Variants in ZNF135 observed in about 807,000 individuals in gnomAD.
The protein encoded by ZNF135 is zinc finger protein 135 (clone pHZ-17).
A neutral mutation model predicts 12.3 loss-of-function variants in ZNF135; 11 were observed. That is an observed-to-expected ratio of 0.89 (90% CI 0.56 to 1.48). The LOEUF is 1.48. ZNF135 is among the 40% of genes most tolerant of loss of function. ZNF135 has a pLI of 0.00. For synonymous variants in ZNF135, 316 were observed against 312.0 expected (o/e 1.01, Z -0.14); for missense variants, 722 against 815.7 (o/e 0.89, Z 1.40).
intron 4 of ZNF135, 140 bp from the exon 5 acceptor site, chr19:58,066,586 CTGGTTTGCAAAACTA>C (rs1167927815): frequency 3.1e-6 from 3 of 960,812 alleles, no homozygotes; most frequent in Admixed American, 3.0e-5. Flanking sequence ...TCTTCCTTTC[CTGGTTTGCAAAACTA>C]TATTTTTAAA....
Position 58,068,703 on chromosome 19 carries a change from G to A in ZNF135, c.*242G>A, listed in dbSNP as rs2074121359. 1 of 507,130 alleles carries A rather than the reference G, an allele frequency of 2.0e-6. No homozygotes were observed. The highest frequency in any genetic ancestry group is 1.9e-5 in the African/African-American group (1 of 52,538). 31.4% of individuals were successfully genotyped at this position (507,130 alleles called of 1,614,324 possible). ...GAAACGTGGAGATAATCAACACTCA[G>A]GACCTTCAGCCTTGAACGCCCATTA... On this transcript the variant is annotated 3_prime_UTR_variant, in exon 5 of 5. Transcript: ENST00000313434.
At chr19:58,066,204 TG>T (rs1568614700) in intron 4 of ZNF135, among the ~76,000 whole-genome samples, 1 of 152,182 alleles carries the variant, frequency 6.6e-6, no homozygotes, top group Non-Finnish European at 1.5e-5. Flanking sequence ...TTCCTGTTTG[TG>T]GGGAGCAGTT....
In ZNF135 at chr19:58,065,183, A is replaced by G. The variant is rs1327939076; in HGVS notation, c.257-1558A>G. Among the ~76,000 whole-genome samples the G allele has an allele frequency of 4.0e-5, 6 of 151,862 alleles. 1 individual carries two copies. The highest frequency in any genetic ancestry group is 1.3e-4 in the Admixed American group (2 of 15,240). ...GAGGCTCTAGGGAAGGGAAGAATCT[A>G]TTTCTTTCTCTCCTTTTTGTTTTTT... is the stretch of plus-strand genomic sequence containing the variant. On this transcript the variant is annotated intron_variant, in intron 4 of 4. Transcript: ENST00000313434. This position sits in a 1 kb window ranked among gnomAD's most constrained non-coding sequence, Gnocchi z 4.0.
At position 58,060,314 on chromosome 19, in the gene ZNF135, A is replaced by G. The variant is rs1279714608; in HGVS notation, c.33+279A>G. 1.3e-5 allele frequency: 17 copies of G among 1,348,052 alleles called. No individual in the cohort carries two copies. Among genetic ancestry groups the G allele is most frequent in the Non-Finnish European group, 1.6e-5 (17 of 1,046,484 alleles). The allele number at this position is 1,348,052 out of a possible 1,614,324, so 83.5% of individuals were successfully genotyped here. ...TAGCCTCTACTCGTGTCCGGCCTCT[A>G]CCTGCACACCCGGCCTCCTAAAGTC... On this transcript the variant is annotated intron_variant, in intron 2 of 4. Coordinates refer to ENST00000313434, the MANE Select transcript of ZNF135 (RefSeq NM_001289401.2). This position sits in a 1 kb window ranked among gnomAD's most constrained non-coding sequence, Gnocchi z 4.9.
Position 58,059,460 on chromosome 19 carries a change from T to C in ZNF135, c.-35+150T>C. ...GGAGTCCGTTTTGCTGCCCGGGGCC[T>C]GGGGAAGGCCGTTTCGGGGCTGGCG... On this transcript the variant is annotated intron_variant, in intron 1 of 4. Transcript: ENST00000313434. This position sits in a 1 kb window ranked among gnomAD's most constrained non-coding sequence, Gnocchi z 6.5. 5.9e-6 allele frequency: 5 copies of C among 851,850 alleles called. No homozygotes were observed. Among genetic ancestry groups the C allele is most frequent in the Non-Finnish European group, 6.7e-6 (4 of 592,812 alleles). The allele number at this position is 851,850 out of a possible 1,614,324, so 52.8% of individuals were successfully genotyped here.
In ZNF135 at chr19:58,065,819, CTT is replaced by C. The variant is rs891024659; in HGVS notation, c.257-911_257-910del. Among the ~76,000 whole-genome samples, 1 of 146,648 alleles carries C rather than the reference CTT, an allele frequency of 6.8e-6. No homozygotes were observed. On this transcript the variant is annotated intron_variant, in intron 4 of 4. Coordinates refer to ENST00000313434, the MANE Select transcript of ZNF135 (RefSeq NM_001289401.2). The surrounding 1 kb of genome is among the most constrained non-coding windows in gnomAD (Gnocchi z 4.0). ...TATTCTGCCATTCACTCTGGCTTAA[CTT>C]TTTTTTTTTTAATTGAACTTTTCAC... is the stretch of plus-strand genomic sequence containing the variant.
chr19:58,061,461 C>G (rs2073978131), intron 2 of ZNF135, 119 bp from the exon 3 acceptor site: 5 of 1,374,718 alleles, frequency 3.6e-6, no homozygotes, highest in Non-Finnish European at 3.9e-6. Flanking sequence ...AAAACCTGAC[C>G]CAAAACCCCA....
In ZNF135 at chr19:58,063,603, C is replaced by T; in HGVS notation, c.256+62C>T. ...TCCATGCTTGCTTCCTGGTTTCTCC[C>T]TCTGCATCTGCTCTCTAATTCTTCA... On this transcript the variant is annotated intron_variant, in intron 4 of 4. Transcript: ENST00000313434. The surrounding 1 kb of genome is among the most constrained non-coding windows in gnomAD (Gnocchi z 4.4). 11 of 1,605,742 alleles carry T rather than the reference C, an allele frequency of 6.9e-6. No homozygotes were observed. The highest frequency in any genetic ancestry group is 9.4e-6 in the Non-Finnish European group (11 of 1,175,686).
In ZNF135 at chr19:58,068,267, C is replaced by G. The variant is rs1167002136; in HGVS notation, c.1783C>G (p.Gln595Glu). 1 of 1,613,982 alleles carries G rather than the reference C, an allele frequency of 6.2e-7. No individual in the cohort carries two copies. ...KSFSHSSSLS[Q>E]HERTHTGEKP... is the part of the protein sequence containing the mutation. Reference sequence around the variant, plus strand: ...CTTCAGCCACAGCTCCTCGCTCAGCCAGCACGAAAGGACGCACACTGGGGA... The same window carrying G: ...CTTCAGCCACAGCTCCTCGCTCAGCGAGCACGAAAGGACGCACACTGGGGA... The change falls in exon 5 of 5, where the codon CAG (glutamine) becomes GAG (glutamate). Residue 595 changes from glutamine (Q) to glutamate (E), a missense_variant. Gln to Glu is a conservative substitution (Grantham distance 29). Transcript: ENST00000313434.
rs71188069 is a variant in ZNF135, at chr19:58,059,346, A to AGGCCGGGCCG, written c.-35+49_-35+58dup. 2,524 of 745,326 alleles carry AGGCCGGGCCG rather than the reference A, an allele frequency of 3.4e-3. 115 individuals are homozygous for AGGCCGGGCCG. In the African/African-American group the frequency reaches 0.042, roughly 12 times the overall value. 46.2% of individuals were successfully genotyped at this position (745,326 alleles called of 1,614,324 possible). A position where few individuals can be genotyped will look rare whatever the true frequency, so the allele number is the denominator to read the frequency against. ...CCGGCGAGGAGGGGGAGGGGAGGCC[A>AGGCCGGGCCG]GGCCGGGCCGGGCCGGGCCGGGTGC... is the stretch of plus-strand genomic sequence containing the variant. On this transcript the variant is annotated intron_variant, in intron 1 of 4. Transcript: ENST00000313434. This position sits in a 1 kb window ranked among gnomAD's most constrained non-coding sequence, Gnocchi z 6.5.
At position 58,066,936 on chromosome 19, in the gene ZNF135, C is replaced by T. The variant is rs1467601611; in HGVS notation, c.452C>T (p.Pro151Leu). Residue 151 changes from proline to leucine, a missense_variant, in exon 5 of 5, where the codon CCT (proline) becomes CTT (leucine). Physicochemically the swap from Pro to Leu is moderately conservative, Grantham distance 98. Coordinates refer to ENST00000313434, the MANE Select transcript of ZNF135 (RefSeq NM_001289401.2). ...CTGGCAGTGCCGGTGGCCTTCACGCCTGTGAAGACGCCTGTTCTGGAGCAG... is the reference window on the plus strand; with the variant it reads ...CTGGCAGTGCCGGTGGCCTTCACGCTTGTGAAGACGCCTGTTCTGGAGCAG... ...ESLAVPVAFT[P>L]VKTPVLEQWQ... The T allele has an allele frequency of 1.2e-6, 2 of 1,614,082 alleles. No individual in the cohort carries two copies. Among genetic ancestry groups the T allele is most frequent in the East Asian group, 2.2e-5 (1 of 44,900 alleles).
chr19:58,068,567 G>A lies in ZNF135; in HGVS notation c.*106G>A. 7.7e-7 allele frequency: 1 copy of A among 1,297,190 alleles called. No homozygotes were observed. The highest frequency in any genetic ancestry group is 1.0e-6 in the Non-Finnish European group (1 of 955,198). The allele number at this position is 1,297,190 out of a possible 1,614,324, so 80.4% of individuals were successfully genotyped here. ...ATGAGAAACGTACATTCATACACAA[G>A]CCTTTTCACACAGCACTCCCCTCAG... On this transcript the variant is annotated 3_prime_UTR_variant, in exon 5 of 5. Coordinates refer to ENST00000313434, the MANE Select transcript of ZNF135 (RefSeq NM_001289401.2).
At position 58,068,734 on chromosome 19, in the gene ZNF135, A is replaced by G. The variant is rs2074122190; in HGVS notation, c.*273A>G. On this transcript the variant is annotated 3_prime_UTR_variant, in exon 5 of 5. Coordinates refer to ENST00000313434, the MANE Select transcript of ZNF135 (RefSeq NM_001289401.2). ...TCAGCCTTGAACGCCCATTAGTGCT[A>G]TGTTATAGAACCTACAAAAAAGAAA... 2.4e-6 allele frequency: 1 copy of G among 418,730 alleles called. No individual in the cohort carries two copies. The highest frequency in any genetic ancestry group is 2.0e-5 in the African/African-American group (1 of 50,636). The allele number at this position is 418,730 out of a possible 1,614,324, so 25.9% of individuals were successfully genotyped here.
Position 58,067,351 on chromosome 19 carries a change from G to A in ZNF135, c.867G>A (p.Gln289=). ...FNQIAPLIQH[Q]RTHTGEKPYE... is the part of the protein sequence containing the mutation. ...AAATTGCCCCACTGATCCAGCACCA[G>A]AGAACTCACACAGGTGAGAAGCCCT... The change falls in exon 5 of 5, where the codon CAG becomes CAA. Residue 289 remains glutamine (Q), a synonymous_variant. Coordinates refer to ENST00000313434, the MANE Select transcript of ZNF135 (RefSeq NM_001289401.2). 6.2e-7 allele frequency: 1 copy of A among 1,614,220 alleles called. No individual in the cohort carries two copies. The highest frequency in any genetic ancestry group is 8.5e-7 in the Non-Finnish European group (1 of 1,180,038).
In ZNF135 at chr19:58,059,346, A is replaced by AGGCCGGGGCG; in HGVS notation, c.-35+43_-35+44insGCGGGCCGGG. The AGGCCGGGGCG allele has an allele frequency of 1.3e-6, 1 of 744,990 alleles. No homozygotes were observed. Among genetic ancestry groups the AGGCCGGGGCG allele is most frequent in the Non-Finnish European group, 1.8e-6 (1 of 547,500 alleles). The allele number at this position is 744,990 out of a possible 1,614,324, so 46.1% of individuals were successfully genotyped here. On this transcript the variant is annotated intron_variant, in intron 1 of 4. Transcript: ENST00000313434. The surrounding 1 kb of genome is among the most constrained non-coding windows in gnomAD (Gnocchi z 6.5). ...CCGGCGAGGAGGGGGAGGGGAGGCCAGGCCGGGCCGGGCCGGGCCGGGTGC... is the reference window on the plus strand; with the variant it reads ...CCGGCGAGGAGGGGGAGGGGAGGCCAGGCCGGGGCGGGCCGGGCCGGGCCGGGCCGGGTGC...
At chr19:58,062,388 ATTT>A (rs1425670656) in intron 3 of ZNF135, among the ~76,000 whole-genome samples, 2 of 151,640 alleles carry the variant, frequency 1.3e-5, no homozygotes, top group Non-Finnish European at 2.9e-5. Context: ...TTGTTTTTAA[ATTT>A]TTTATTTTTG....
Position 58,069,026 on chromosome 19 carries a change from G to A in ZNF135, c.*565G>A, listed in dbSNP as rs11669919. 60,604 of 157,914 alleles carry A rather than the reference G, an allele frequency of 0.38. 11,778 individuals carry two copies. The highest frequency in any genetic ancestry group is 0.45 in the Admixed American group (7,568 of 16,890). The allele number at this position is 157,914 out of a possible 1,614,324, so 9.8% of individuals were successfully genotyped here. ...AGAGTGGCATCTTTATGGAATCACT[G>A]TGGATACTGACTGTCTCAGTAAACA... On this transcript the variant is annotated 3_prime_UTR_variant, in exon 5 of 5. Transcript: ENST00000313434.
At position 58,059,293 on chromosome 19, in the gene ZNF135, T is replaced by C. The variant is rs986299234; in HGVS notation, c.-52T>C. The C allele has an allele frequency of 6.5e-7, 1 of 1,537,268 alleles. No homozygotes were observed. The highest frequency in any genetic ancestry group is 8.7e-7 in the Non-Finnish European group (1 of 1,146,532). On this transcript the variant is annotated 5_prime_UTR_variant, in exon 1 of 5. Coordinates refer to ENST00000313434, the MANE Select transcript of ZNF135 (RefSeq NM_001289401.2). This position sits in a 1 kb window ranked among gnomAD's most constrained non-coding sequence, Gnocchi z 6.5. ...TGTCGGCTGCCGGTGCCGCGGCCTT[T>C]GTCTCGCAGTCAGGAGGGTGAGCTA...
At chr19:58,066,680 C>T in intron 4 of ZNF135, 61 bp from the exon 5 acceptor site, 1 of 1,585,818 alleles carries the variant, frequency 6.3e-7, no homozygotes, top group Non-Finnish European at 8.6e-7. Context: ...CCCATCTCAC[C>T]ACAAACTCTT....
Sources: allele counts gnomAD v4.1 joint callset (sites outside exome capture counted in the v4.1 genomes callset), GRCh38; gene constraint gnomAD v4.1.1; non-coding constraint Gnocchi (gnomAD v3.1); transcripts MANE v1.5; gene names NCBI Gene and HGNC (gene_info 2026-07-23, HGNC 2026-07-21).